VOPP1: variants seen among roughly 807,000 people sequenced by gnomAD.
The protein encoded by VOPP1 is VOPP1 WW domain binding protein, also known as WW domain binding protein VOPP1.
A neutral mutation model predicts 23.5 loss-of-function variants in VOPP1; 8 were observed. The ratio of observed to expected loss-of-function variants is 0.34; its 90% CI spans 0.20 to 0.61. VOPP1 has a LOEUF of 0.61. Ranked by LOEUF, VOPP1 falls within the 20% of genes least tolerant of loss-of-function variation. The probability of loss-of-function intolerance (pLI) is 0.78; values close to 1 mark genes in which losing one functional copy is unlikely to be tolerated. For synonymous variants in VOPP1, 83 were observed against 97.3 expected (o/e 0.85, Z 0.86); for missense variants, 174 against 238.1 (o/e 0.73, Z 1.77).
intron 4 of VOPP1, among the ~76,000 whole-genome samples, chr7:55,453,583 C>T (rs144658372): frequency 9.7e-4 from 148 of 152,234 alleles, no homozygotes; most frequent in Middle Eastern, 3.4e-3. Flanking sequence ...TCAGAATACA[C>T]GTTTATTGAT....
intron 4 of VOPP1, among the ~76,000 whole-genome samples, chr7:55,438,458 G>T (rs1440453625): frequency 6.6e-6 from 1 of 152,160 alleles, no homozygotes; most frequent in Non-Finnish European, 1.5e-5. Context: ...AAGCAAGCAG[G>T]ATCAGGGAGA....
At chr7:55,453,695 T>C (rs796288905) in intron 4 of VOPP1, among the ~76,000 whole-genome samples, 39 of 152,290 alleles carry the variant, frequency 2.6e-4, no homozygotes, top group African/African-American at 8.4e-4. Flanking sequence ...TATTTATTAA[T>C]GAAAAAGTTT....
chr7:55,538,553 G>C lies in VOPP1; in HGVS notation c.55-17423C>G, dbSNP rs2129049801. 2.7e-6 allele frequency: 4 copies of C among 1,458,696 alleles called. No homozygotes were observed. In the Admixed American group the frequency reaches 7.9e-5, roughly 29 times the overall value. 90.4% of individuals were successfully genotyped at this position (1,458,696 alleles called of 1,614,324 possible). On this transcript the variant is annotated intron_variant, in intron 1 of 4. Coordinates refer to ENST00000285279, the MANE Select transcript of VOPP1 (RefSeq NM_030796.5). ...CTGAGGATTCCACAGTCCAACTGAGGATCACTGTAAACTGCTTTACATGGT... is the reference window on the plus strand; with the variant it reads ...CTGAGGATTCCACAGTCCAACTGAGCATCACTGTAAACTGCTTTACATGGT...
chr7:55,484,837 T>C (rs900680911), intron 4 of VOPP1, among the ~76,000 whole-genome samples: 2 of 152,138 alleles, frequency 1.3e-5, no homozygotes, highest in Non-Finnish European at 2.9e-5. Context: ...CCTCTAGAAC[T>C]GGGGGAAGAC....
At chr7:55,522,181 C>T (rs1353421372) in intron 1 of VOPP1, among the ~76,000 whole-genome samples, 1 of 152,198 alleles carries the variant, frequency 6.6e-6, no homozygotes, top group Non-Finnish European at 1.5e-5. Flanking sequence ...GCAATGCCCT[C>T]CTGCCACGAT....
chr7:55,530,240 C>T (rs1325429762), intron 1 of VOPP1, among the ~76,000 whole-genome samples: 2 of 152,178 alleles, frequency 1.3e-5, no homozygotes, highest in Non-Finnish European at 2.9e-5. Context: ...AGTCTCTCCA[C>T]ATCATCACTA....
intron 3 of VOPP1, among the ~76,000 whole-genome samples, chr7:55,496,433 C>T (rs1793957225): frequency 6.6e-6 from 1 of 152,236 alleles, no homozygotes; most frequent in African/African-American, 2.4e-5. Context: ...TCTTAGGCTA[C>T]AACAATTATT....
intron 1 of VOPP1, among the ~76,000 whole-genome samples, chr7:55,538,367 C>A (rs1194213552): frequency 6.6e-6 from 1 of 152,182 alleles, no homozygotes; most frequent in Non-Finnish European, 1.5e-5. Context: ...TATGAAGCTG[C>A]AAAGAATATA....
At chr7:55,437,019 C>T (rs1158661701) in intron 4 of VOPP1, among the ~76,000 whole-genome samples, 1 of 152,176 alleles carries the variant, frequency 6.6e-6, no homozygotes. Flanking sequence ...GAGAATAAAA[C>T]GTGTCCCGAG....
intron 1 of VOPP1, among the ~76,000 whole-genome samples, chr7:55,549,861 C>G (rs1797529946): frequency 6.6e-6 from 1 of 152,234 alleles, no homozygotes; most frequent in Non-Finnish European, 1.5e-5. Context: ...TGCCATTGCT[C>G]CCCTCCTCCA....
At chr7:55,453,325 T>C (rs1431996446) in intron 4 of VOPP1, among the ~76,000 whole-genome samples, 2 of 152,272 alleles carry the variant, frequency 1.3e-5, no homozygotes, top group Non-Finnish European at 2.9e-5. Context: ...AACTTTTCCT[T>C]TGCATTCACA....
chr7:55,564,266 TCGCTC>T (rs1467414933), intron 1 of VOPP1, among the ~76,000 whole-genome samples: 9 of 150,546 alleles, frequency 6.0e-5, no homozygotes, highest in African/African-American at 2.0e-4. Context: ...TCTCTCTCTC[TCGCTC>T]GCTTGCTCTC....
chr7:55,452,777 C>T lies in VOPP1; in HGVS notation n.418-16603G>A, dbSNP rs1451249144. ...AGTGCGCTTAAAACACTAAGCTAAC[C>T]ATGCTGTAAAAAGATGTGTTGTCAT... On this transcript the variant is annotated intron_variant and non_coding_transcript_variant, in intron 4 of 4. Transcript: ENST00000462326. 2.6e-5 allele frequency among the ~76,000 whole-genome samples: 4 copies of T among 152,312 alleles called. No individual in the cohort carries two copies. In the East Asian group the frequency reaches 7.7e-4, roughly 29 times the overall value.
chr7:55,525,072 C>A (rs1026864944), intron 1 of VOPP1, among the ~76,000 whole-genome samples: 1 of 152,074 alleles, frequency 6.6e-6, no homozygotes, highest in Admixed American at 6.5e-5. Flanking sequence ...CCAGAGTCGA[C>A]GGGCAAAGGG....
intron 1 of VOPP1, among the ~76,000 whole-genome samples, chr7:55,524,907 C>T (rs1796079392): frequency 6.6e-6 from 1 of 152,172 alleles, no homozygotes. Flanking sequence ...AGGACAAAGC[C>T]AGACAGCTAG....
At chr7:55,446,873 G>A (rs815947) in intron 4 of VOPP1, among the ~76,000 whole-genome samples, 135,694 of 152,280 alleles carry the variant, frequency 0.89, 60,828 homozygotes, top group African/African-American at 0.96. Context: ...TCTTTCAGAT[G>A]ATAAACCTAG....
chr7:55,493,597 T>G (rs1793734737), intron 3 of VOPP1, among the ~76,000 whole-genome samples: 1 of 152,222 alleles, frequency 6.6e-6, no homozygotes, highest in African/African-American at 2.4e-5. Flanking sequence ...GCCTTTGTCA[T>G]CTGCCGTCTA....
At chr7:55,468,079 C>T (rs1351692029), downstream of VOPP1, among the ~76,000 whole-genome samples, 1 of 152,040 alleles carries the variant, frequency 6.6e-6, no homozygotes, top group African/African-American at 2.4e-5. Context: ...CAAGACCATC[C>T]TGGCTAACGT....
At chr7:55,466,284 A>G (rs911102574), downstream of VOPP1, among the ~76,000 whole-genome samples, 1 of 152,274 alleles carries the variant, frequency 6.6e-6, no homozygotes, top group Non-Finnish European at 1.5e-5. Flanking sequence ...CAAGCTACTA[A>G]GGATCACTTT....
Sources: allele counts gnomAD v4.1 joint callset (sites outside exome capture counted in the v4.1 genomes callset), GRCh38; gene constraint gnomAD v4.1.1; transcripts MANE v1.5; gene names NCBI Gene and HGNC (gene_info 2026-07-23, HGNC 2026-07-21).